Variants in SERAC1 observed in about 807,000 individuals in gnomAD.
SERAC1 encodes protein SERAC1.
In SERAC1, 36 loss-of-function variants were observed where a neutral mutation model predicts 85.7. The ratio of observed to expected loss-of-function variants is 0.42; its 90% CI spans 0.32 to 0.55. The LOEUF (loss-of-function observed/expected upper bound fraction) is 0.55. Ranked by LOEUF, SERAC1 falls within the 20% of genes least tolerant of loss-of-function variation. SERAC1 has a pLI of 0.11. For missense variants in SERAC1, 629 were observed against 796.2 expected (o/e 0.79, Z 2.53); for synonymous variants, 242 against 265.3 (o/e 0.91, Z 0.85).
At chr6:158,118,968 C>T in intron 12 of SERAC1, 61 bp downstream of exon 12, 3 of 1,549,744 alleles carry the variant, frequency 1.9e-6, no homozygotes, top group Non-Finnish European at 2.6e-6. Context: ...AAGCAAGCCA[C>T]AATCAGGGCC....
Position 158,111,290 on chromosome 6 carries a change from T to C in SERAC1, c.*76A>G, listed in dbSNP as rs535894128. ...TGATCACTATGTTTGCATGATTGCA[T>C]AGAGCTTAAAAGAAGAAACAGAACA... On this transcript the variant is annotated 3_prime_UTR_variant, in exon 17 of 17. Transcript: ENST00000647468. 63 of 1,338,464 alleles carry C rather than the reference T, an allele frequency of 4.7e-5. No individual in the cohort carries two copies. Among genetic ancestry groups the C allele is most frequent in the Non-Finnish European group, 6.0e-5 (59 of 983,172 alleles). The allele number at this position is 1,338,464 out of a possible 1,614,324, so 82.9% of individuals were successfully genotyped here.
chr6:158,113,435 A>G lies in SERAC1; in HGVS notation c.1828+14T>C. The G allele has an allele frequency of 1.9e-6, 3 of 1,603,894 alleles. No homozygotes were observed. Among genetic ancestry groups the G allele is most frequent in the Non-Finnish European group, 2.6e-6 (3 of 1,173,258 alleles). On this transcript the variant is annotated intron_variant, in intron 16 of 16. Coordinates refer to ENST00000647468, the MANE Select transcript of SERAC1 (RefSeq NM_032861.4). ...AAGCATCTAACAGCCAACAAGTTTC[A>G]AAAGAGTGAATACCTGCTGATTCCA...
chr6:158,148,270 C>T (rs1215943889), intron 5 of SERAC1, among the ~76,000 whole-genome samples: 1 of 152,102 alleles, frequency 6.6e-6, no homozygotes, highest in Non-Finnish European at 1.5e-5. Context: ...ATACTATGCT[C>T]ATTATGAAGG....
intron 3 of SERAC1, among the ~76,000 whole-genome samples, chr6:158,153,535 G>A (rs998533487): frequency 6.6e-6 from 1 of 151,986 alleles, no homozygotes; most frequent in East Asian, 1.9e-4. Context: ...ATGACAAACC[G>A]TTTTTGCAAA....
intron 10 of SERAC1, 50 bp downstream of exon 10, chr6:158,128,058 G>A (rs1271027826): frequency 6.9e-7 from 1 of 1,443,438 alleles, no homozygotes. Flanking sequence ...ATCATGAGGG[G>A]TAGAGGTGGG....
At chr6:158,142,687 G>A (rs887701614) in intron 8 of SERAC1, among the ~76,000 whole-genome samples, 10 of 152,112 alleles carry the variant, frequency 6.6e-5, no homozygotes, top group Non-Finnish European at 1.3e-4. Context: ...ACGTTGGCCA[G>A]GATGGTCTCA....
At chr6:158,122,736 C>T (rs776399935) in intron 10 of SERAC1, among the ~76,000 whole-genome samples, 11 of 152,104 alleles carry the variant, frequency 7.2e-5, no homozygotes, top group Admixed American at 2.0e-4. Context: ...GCCAAGATAG[C>T]GCCACTGCAC....
At chr6:158,138,065 C>T (rs1784835120) in intron 8 of SERAC1, among the ~76,000 whole-genome samples, 1 of 152,124 alleles carries the variant, frequency 6.6e-6, no homozygotes, top group South Asian at 2.1e-4. Flanking sequence ...CACACACACA[C>T]ATATGCACAA....
chr6:158,125,795 T>C (rs944174384), intron 10 of SERAC1, among the ~76,000 whole-genome samples: 1 of 152,174 alleles, frequency 6.6e-6, no homozygotes, highest in Non-Finnish European at 1.5e-5. Context: ...GGATGTGAAC[T>C]GAATTATGGG....
At chr6:158,135,861 G>A (rs1030094251) in intron 8 of SERAC1, among the ~76,000 whole-genome samples, 1 of 152,166 alleles carries the variant, frequency 6.6e-6, no homozygotes, top group Non-Finnish European at 1.5e-5. Flanking sequence ...CCAGGCTGGA[G>A]TGCAGTGGTG....
At chr6:158,151,756 T>C (rs1053346831) in intron 3 of SERAC1, among the ~76,000 whole-genome samples, 2 of 151,950 alleles carry the variant, frequency 1.3e-5, no homozygotes, top group African/African-American at 4.8e-5. Flanking sequence ...CAAAAGTTTA[T>C]AGAATAAAGA....
Position 158,142,771 on chromosome 6 carries a change from G to A in SERAC1, c.738+285C>T, listed in dbSNP as rs746135146. Among the ~76,000 whole-genome samples the A allele has an allele frequency of 7.9e-5, 12 of 152,116 alleles. No homozygotes were observed. In the East Asian group the frequency reaches 1.9e-3, roughly 24 times the overall value. On this transcript the variant is annotated intron_variant, in intron 8 of 16. Coordinates refer to ENST00000647468, the MANE Select transcript of SERAC1 (RefSeq NM_032861.4). ...ACCACAGGCATGAGCCACTGCGCCC[G>A]GCCCTCATTCTTTAAGATAAAATTT... is the stretch of plus-strand genomic sequence containing the variant.
intron 4 of SERAC1, among the ~76,000 whole-genome samples, chr6:158,150,206 C>A (rs934528947): frequency 3.9e-5 from 6 of 152,164 alleles, no homozygotes; most frequent in African/African-American, 1.2e-4. Context: ...ATGTGGAATT[C>A]CAGGTTCAGA....
intron 3 of SERAC1, 58 bp downstream of exon 3, chr6:158,155,257 T>G: frequency 8.2e-7 from 1 of 1,216,780 alleles, no homozygotes; most frequent in Non-Finnish European, 1.2e-6. Context: ...ATCACTGCCA[T>G]TGAGATTTCC....
intron 8 of SERAC1, among the ~76,000 whole-genome samples, chr6:158,141,995 A>G (rs1465100892): frequency 6.6e-6 from 1 of 151,752 alleles, no homozygotes; most frequent in Non-Finnish European, 1.5e-5. Flanking sequence ...TTTTTTACTG[A>G]CAAAATACGT....
In SERAC1 at chr6:158,120,659, T is replaced by C; in HGVS notation, c.1016-84A>G. On this transcript the variant is annotated intron_variant, in intron 10 of 16. Transcript: ENST00000647468. This position sits in a 1 kb window ranked among gnomAD's most constrained non-coding sequence, Gnocchi z 4.4. ...GAGTGAGGTTTCAAACTGAATATGATGGGAGAAAGGCAAACCTTGCGTGTC... is the reference window on the plus strand; with the variant it reads ...GAGTGAGGTTTCAAACTGAATATGACGGGAGAAAGGCAAACCTTGCGTGTC... 6.9e-7 allele frequency: 1 copy of C among 1,445,074 alleles called. No individual in the cohort carries two copies. Among genetic ancestry groups the C allele is most frequent in the Non-Finnish European group, 9.3e-7 (1 of 1,071,206 alleles). The allele number at this position is 1,445,074 out of a possible 1,614,324, so 89.5% of individuals were successfully genotyped here. A position where few individuals can be genotyped will look rare whatever the true frequency, so the allele number is the denominator to read the frequency against.
chr6:158,151,485 A>T (rs1785203874), intron 3 of SERAC1, among the ~76,000 whole-genome samples: 1 of 152,068 alleles, frequency 6.6e-6, no homozygotes, highest in Non-Finnish European at 1.5e-5. Context: ...GCAGTGGCAC[A>T]ATCTCGGCTC....
intron 10 of SERAC1, among the ~76,000 whole-genome samples, chr6:158,121,673 C>T (rs1473450658): frequency 6.6e-6 from 1 of 152,056 alleles, no homozygotes; most frequent in Non-Finnish European, 1.5e-5. Context: ...AAATTTATAA[C>T]ATCAGAAGAT....
intron 10 of SERAC1, among the ~76,000 whole-genome samples, chr6:158,126,975 C>G (rs1474894029): frequency 1.3e-5 from 2 of 151,844 alleles, no homozygotes; most frequent in Non-Finnish European, 2.9e-5. Flanking sequence ...ATCCATTGAG[C>G]CTAGGAGTTT....
Sources: gnomAD v4.1 joint callset for allele counts (sites outside exome capture counted in the v4.1 genomes callset) on GRCh38, gnomAD v4.1.1 for gene constraint, Gnocchi (gnomAD v3.1) non-coding constraint, MANE v1.5 for transcripts, NCBI Gene and HGNC (gene_info 2026-07-23, HGNC 2026-07-21) for gene names.